The following ZC3H12B variants were observed in gnomAD, a reference collection of about 807,000 sequenced individuals.
ZC3H12B encodes the protein probable ribonuclease ZC3H12B.
In ZC3H12B, 7 loss-of-function variants were observed where a neutral mutation model predicts 43.9. The observed-to-expected ratio is 0.16, with a 90% CI of 0.09 to 0.30. The LOEUF is 0.30. Among genes scored for constraint, ZC3H12B ranks in the 10% least tolerant of loss-of-function variants. ZC3H12B has a pLI of 1.00. For missense variants in ZC3H12B, 475 were observed against 670.2 expected, an observed-to-expected ratio of 0.71 and a Z score of 3.22; for synonymous variants, 222 against 241.7, an observed-to-expected ratio of 0.92 and a Z score of 0.76.
At chrX:65,325,733 A>G in the ZC3H12B span, among the ~76,000 whole-genome samples, 1 of 111,653 alleles carries the variant, frequency 9.0e-6, no homozygotes, top group Non-Finnish European at 1.9e-5. Context: ...AATATAAAAA[A>G]ATCCTAAAAT....
At chrX:65,382,232 C>A (rs2066452443) in intron 2 of ZC3H12B, among the ~76,000 whole-genome samples, 1 of 110,080 alleles carries the variant, frequency 9.1e-6, no homozygotes. Flanking sequence ...AATCCAGCAG[C>A]ACATCAAAAA....
chrX:65,158,295 G>A, the ZC3H12B span, among the ~76,000 whole-genome samples: 3 of 111,364 alleles, frequency 2.7e-5, no homozygotes, highest in African/African-American at 9.8e-5. Flanking sequence ...GCCAGTAATG[G>A]AATGGCTGAG....
chrX:65,140,024 T>C, the ZC3H12B span, among the ~76,000 whole-genome samples: 1 of 111,014 alleles, frequency 9.0e-6, no homozygotes, highest in African/African-American at 3.3e-5. Flanking sequence ...TATAAGACCA[T>C]GTTGTCTATA....
the ZC3H12B span, among the ~76,000 whole-genome samples, chrX:65,281,337 C>G: frequency 9.2e-6 from 1 of 108,325 alleles, no homozygotes; most frequent in African/African-American, 3.4e-5. Context: ...CAGGTTCAAG[C>G]GATTCTCATG....
At chrX:65,140,726 T>C in the ZC3H12B span, among the ~76,000 whole-genome samples, 10 of 112,143 alleles carry the variant, frequency 8.9e-5, no homozygotes, top group African/African-American at 3.2e-4. Flanking sequence ...GGATAATTTT[T>C]ATTAGTGATT....
At chrX:65,155,256 C>T in the ZC3H12B span, among the ~76,000 whole-genome samples, 10 of 110,116 alleles carry the variant, frequency 9.1e-5, no homozygotes, top group South Asian at 1.2e-3. Context: ...CTGAGTCTGG[C>T]CTGCTACTTT....
At chrX:65,037,430 G>A in the ZC3H12B span, among the ~76,000 whole-genome samples, 3 of 112,013 alleles carry the variant, frequency 2.7e-5, no homozygotes, top group African/African-American at 9.7e-5. Flanking sequence ...AGGAGAAGAG[G>A]ACTGTCAGTG....
At chrX:65,155,457 G>A in the ZC3H12B span, among the ~76,000 whole-genome samples, 1 of 111,364 alleles carries the variant, frequency 9.0e-6, no homozygotes, top group African/African-American at 3.3e-5. Context: ...GTCATATATT[G>A]CTGGATTGTT....
the ZC3H12B span, among the ~76,000 whole-genome samples, chrX:65,117,900 T>G: frequency 9.0e-6 from 1 of 111,128 alleles, no homozygotes; most frequent in Non-Finnish European, 1.9e-5. Flanking sequence ...CTGGAGGGTG[T>G]GTTCTGTTCC....
the ZC3H12B span, among the ~76,000 whole-genome samples, chrX:65,295,869 C>A: frequency 5.1e-4 from 57 of 110,909 alleles, no homozygotes; most frequent in African/African-American, 1.7e-3. Flanking sequence ...AATAGAATCT[C>A]TTAACAGACC....
chrX:65,320,109 C>A, the ZC3H12B span, among the ~76,000 whole-genome samples: 7 of 111,007 alleles, frequency 6.3e-5, no homozygotes, highest in Non-Finnish European at 1.3e-4. Context: ...GTAAAACTAC[C>A]CCTGTTGGCA....
chrX:65,272,627 A>G, the ZC3H12B span: 4 of 111,888 alleles, frequency 3.6e-5, no homozygotes, highest in African/African-American at 1.3e-4. Flanking sequence ...TCCATTTATG[A>G]TGCCCTCTGT....
chrX:65,037,495 T>G, the ZC3H12B span, among the ~76,000 whole-genome samples: 1 of 112,117 alleles, frequency 8.9e-6, no homozygotes, highest in South Asian at 3.7e-4. Context: ...ACATACTAAA[T>G]TAACAAATTA....
the ZC3H12B span, among the ~76,000 whole-genome samples, chrX:65,352,489 AAAAG>A: frequency 3.9e-4 from 44 of 111,509 alleles, no homozygotes; most frequent in Non-Finnish European, 5.8e-4. Context: ...AAGAAAAAGA[AAAAG>A]AAAATAAGGG....
the ZC3H12B span, among the ~76,000 whole-genome samples, chrX:65,039,874 G>A: frequency 9.0e-6 from 1 of 111,114 alleles, no homozygotes; most frequent in Non-Finnish European, 1.9e-5. Flanking sequence ...AGAAGGGGTT[G>A]GGTCCTTCTG....
At chrX:65,252,416 G>T in the ZC3H12B span, among the ~76,000 whole-genome samples, 1 of 111,641 alleles carries the variant, frequency 9.0e-6, no homozygotes, top group African/African-American at 3.3e-5. Context: ...TTGTGTCTCT[G>T]CCAGGGCCAG....
the ZC3H12B span, among the ~76,000 whole-genome samples, chrX:65,219,978 GA>G: frequency 9.0e-6 from 1 of 111,164 alleles, no homozygotes; most frequent in Non-Finnish European, 1.9e-5. Context: ...AAACTATACA[GA>G]AAAACCTATA....
intron 3 of ZC3H12B, among the ~76,000 whole-genome samples, chrX:65,472,998 G>A (rs7066325): frequency 0.096 from 7,474 of 77,539 alleles, 1,260 homozygotes; most frequent in African/African-American, 0.36. Flanking sequence ...ATATATATAT[G>A]TATATATATA....
the ZC3H12B span, among the ~76,000 whole-genome samples, chrX:65,122,469 G>C: frequency 9.0e-6 from 1 of 111,175 alleles, no homozygotes; most frequent in Non-Finnish European, 1.9e-5. Context: ...GGAGGAAACT[G>C]CATCAACTGA....
Sources: gnomAD v4.1 joint callset for allele counts (sites outside exome capture counted in the v4.1 genomes callset) on GRCh38, gnomAD v4.1.1 for gene constraint, MANE v1.5 for transcripts, NCBI Gene and HGNC (gene_info 2026-07-23, HGNC 2026-07-21) for gene names.